Variants in ZZEF1 observed in about 807,000 individuals in gnomAD.
The protein encoded by ZZEF1 is zinc finger ZZ-type and EF-hand domain containing 1, also known as zinc finger ZZ-type and EF-hand domain-containing protein 1.
In ZZEF1, 157 loss-of-function variants were observed where a neutral mutation model predicts 342.8. The observed-to-expected ratio is 0.46, with a 90% CI of 0.40 to 0.52. ZZEF1 has a LOEUF of 0.52. Among genes scored for constraint, ZZEF1 ranks in the 20% least tolerant of loss-of-function variants. The pLI, the probability that ZZEF1 is intolerant of heterozygous loss-of-function variation, is 0.00. For synonymous variants in ZZEF1, 1,505 were observed against 1,429.1 expected, an observed-to-expected ratio of 1.05 and a Z score of -1.20; for missense variants, 3,480 against 3,725.6, an observed-to-expected ratio of 0.93 and a Z score of 1.72.
intron 21 of ZZEF1, 114 bp downstream of exon 21, chr17:4,076,523 C>G (rs986951202): frequency 1.9e-5 from 26 of 1,345,826 alleles, no homozygotes; most frequent in Non-Finnish European, 2.4e-5. Context: ...ATCAAGGGAG[C>G]CTTCTAGAGG....
chr17:4,030,368 A>T (rs2056515109), intron 42 of ZZEF1, among the ~76,000 whole-genome samples: 1 of 152,254 alleles, frequency 6.6e-6, no homozygotes, highest in Non-Finnish European at 1.5e-5. Context: ...TGCACTCAAT[A>T]TAGAAGTCCC....
At chr17:4,092,084 A>AAT (rs1555604387) in intron 11 of ZZEF1, among the ~76,000 whole-genome samples, 1 of 47,018 alleles carries the variant, frequency 2.1e-5, no homozygotes, top group Admixed American at 3.5e-4. Context: ...CTCAAAAAAA[A>AAT]AAAAAATAAT....
intron 1 of ZZEF1, among the ~76,000 whole-genome samples, chr17:4,141,376 C>A (rs2058844232): frequency 6.6e-6 from 1 of 152,174 alleles, no homozygotes. Flanking sequence ...CTGCAAGTAC[C>A]CGCTGGTTTA....
At position 4,007,990 on chromosome 17, in the gene ZZEF1, A is replaced by G. The variant is rs189715412; in HGVS notation, c.8805+893T>C. Among the ~76,000 whole-genome samples the G allele has an allele frequency of 3.6e-4, 54 of 151,948 alleles. 2 individuals are homozygous for G. The highest frequency in any genetic ancestry group is 3.1e-3 in the Admixed American group (47 of 15,266). On this transcript the variant is annotated intron_variant, in intron 54 of 54. Transcript: ENST00000381638. ...GGGGTGTTGGGCCACACACGCGATG[A>G]TATTCAAGGAGTCCAAGGTTCTCAA...
intron 9 of ZZEF1, among the ~76,000 whole-genome samples, chr17:4,097,435 A>G (rs1045184967): frequency 7.0e-6 from 1 of 143,414 alleles, no homozygotes; most frequent in African/African-American, 2.6e-5. Context: ...GTTAGCTTCT[A>G]CAACACTTTG....
At position 4,086,624 on chromosome 17, in the gene ZZEF1, G is replaced by A. The variant is rs140106831; in HGVS notation, c.2374C>T (p.Leu792=). The A allele has an allele frequency of 1.3e-5, 21 of 1,613,980 alleles. No homozygotes were observed. Among genetic ancestry groups the A allele is most frequent in the Non-Finnish European group, 1.7e-6 (2 of 1,180,048 alleles). ...PREECVSAQT[L]LLQLLQSCFS... ...CAGCTCTGGAGTAGCTGCAGAAGCA[G>A]GGTTTGGGCAGAGACGCATTCTTCC... Residue 792 remains leucine, a synonymous_variant, in exon 15 of 55, where the codon CTG becomes TTG. Coordinates refer to ENST00000381638, the MANE Select transcript of ZZEF1 (RefSeq NM_015113.4).
rs140868002 is a variant in ZZEF1, at chr17:4,058,087, G to C, written c.5072C>G (p.Pro1691Arg). Reference sequence around the variant, plus strand: ...ATCAACAAAGAAGGCGAGATCATTGGGTTCCCAGCCCATATCCAAAAGATG... The same window carrying C: ...ATCAACAAAGAAGGCGAGATCATTGCGTTCCCAGCCCATATCCAAAAGATG... ...LLHLLDMGWEPNDLAFFVDIQ... is the reference protein window; with the variant it reads ...LLHLLDMGWERNDLAFFVDIQ... Residue 1691 changes from proline to arginine, a missense_variant, in exon 32 of 55, where the codon CCC becomes CGC. This residue lies in a region of ZZEF1 where 1,528 missense variants were observed against 1,624.1 expected (regional missense o/e 0.94). Transcript: ENST00000381638. 232 of 1,614,066 alleles carry C rather than the reference G, an allele frequency of 1.4e-4. No homozygotes were observed. In the African/African-American group the frequency reaches 2.8e-3, roughly 19 times the overall value.
chr17:4,019,004 C>A (rs1320960077), intron 46 of ZZEF1, among the ~76,000 whole-genome samples: 3 of 135,810 alleles, frequency 2.2e-5, no homozygotes, highest in African/African-American at 1.2e-4. Flanking sequence ...GAGAGAAAAA[C>A]AAATTCTATC....
rs112497098 is a variant in ZZEF1 at position 4,013,507 on chromosome 17, G to A, written c.8521C>T (p.His2841Tyr). The A allele has an allele frequency of 3.1e-6, 5 of 1,613,766 alleles. No individual in the cohort carries two copies. The highest frequency in any genetic ancestry group is 4.2e-6 in the Non-Finnish European group (5 of 1,179,902). The change falls in exon 52 of 55, where the codon CAT becomes TAT. Residue 2841 changes from histidine to tyrosine, a missense_variant. His to Tyr is a moderately conservative substitution (Grantham distance 83, BLOSUM62 2). Transcript: ENST00000381638. ...LVGVACRQTG[H>Y]QRLKAIHLLL... ...AAGTGGATGGCTTTTAATCGTTGATGGCCAGTCTGGCGACAGGCCACGCCC... is the reference window on the plus strand; with the variant it reads ...AAGTGGATGGCTTTTAATCGTTGATAGCCAGTCTGGCGACAGGCCACGCCC...
intron 5 of ZZEF1, among the ~76,000 whole-genome samples, chr17:4,111,470 CA>C (rs1173019332): frequency 6.6e-6 from 1 of 151,838 alleles, no homozygotes; most frequent in Non-Finnish European, 1.5e-5. Context: ...CCAGTCTGTC[CA>C]ACATAGTGAA....
intron 13 of ZZEF1, among the ~76,000 whole-genome samples, chr17:4,087,736 GTGTTA>G (rs1405418352): frequency 1.3e-5 from 2 of 151,612 alleles, no homozygotes; most frequent in African/African-American, 4.9e-5. Context: ...ATATATGTGT[GTGTTA>G]TATGTATGTA....
chr17:4,130,937 C>G (rs1472488763), intron 1 of ZZEF1, among the ~76,000 whole-genome samples: 1 of 152,098 alleles, frequency 6.6e-6, no homozygotes, highest in Non-Finnish European at 1.5e-5. Context: ...GAATGGGACT[C>G]GATCAGCAGT....
chr17:4,056,393 A>G, intron 32 of ZZEF1, 48 bp from the exon 33 acceptor site: 1 of 1,527,492 alleles, frequency 6.5e-7, no homozygotes, highest in Non-Finnish European at 8.8e-7. Context: ...CCCAATCACC[A>G]AGGAAAGTAC....
At chr17:4,024,856 A>T (rs1294850855) in intron 43 of ZZEF1, 63 bp downstream of exon 43, 6 of 1,483,338 alleles carry the variant, frequency 4.0e-6, no homozygotes, top group Non-Finnish European at 5.7e-6. Context: ...CCTCCTAGTT[A>T]ATCCCCATGC....
intron 19 of ZZEF1, 70 bp from the exon 20 acceptor site, chr17:4,077,059 A>G (rs1597856961): frequency 2.1e-6 from 3 of 1,431,368 alleles, no homozygotes; most frequent in Non-Finnish European, 2.8e-6. Context: ...ATCACCACAG[A>G]CAAGAATAAA....
Position 4,014,295 on chromosome 17 carries a change from G to A in ZZEF1, c.8314+52C>T, listed in dbSNP as rs1567760253. On this transcript the variant is annotated intron_variant, in intron 50 of 54. Transcript: ENST00000381638. This position sits in a 1 kb window ranked among gnomAD's most constrained non-coding sequence, Gnocchi z 4.4. The stretch of plus-strand genomic sequence containing the variant: ...CAGTAAGTTCCCTTCTCAATATTAA[G>A]TTTAAACACTGCCTGTGAAGAACCT... 5.0e-6 allele frequency: 8 copies of A among 1,612,532 alleles called. No individual in the cohort carries two copies. Among genetic ancestry groups the A allele is most frequent in the Admixed American group, 1.7e-5 (1 of 59,970 alleles).
In ZZEF1 at chr17:4,117,241, T is replaced by A. The variant is rs186435675; in HGVS notation, c.500-75A>T. On this transcript the variant is annotated intron_variant, in intron 2 of 54. Transcript: ENST00000381638. ...TCCACATCCCCTGCCTGGTGGCCTA[T>A]CTGAATTGGCTAAATTAAAAGCAGT... 1.8e-5 allele frequency: 22 copies of A among 1,202,256 alleles called. No individual in the cohort carries two copies. In the East Asian group the frequency reaches 5.4e-4, roughly 30 times the overall value. 74.5% of individuals were successfully genotyped at this position (1,202,256 alleles called of 1,614,324 possible). A position where few individuals can be genotyped will look rare whatever the true frequency, so the allele number is the denominator to read the frequency against.
chr17:4,036,817 A>ACACACACACACACT (rs754105162), intron 39 of ZZEF1, among the ~76,000 whole-genome samples: 2 of 72,618 alleles, frequency 2.8e-5, no homozygotes, highest in Non-Finnish European at 5.0e-5. Flanking sequence ...ACACACACAC[A>ACACACACACACACT]CTCTCTCTCT....
chr17:4,033,065 C>A, intron 40 of ZZEF1, 63 bp from the exon 41 acceptor site: 2 of 1,489,866 alleles, frequency 1.3e-6, no homozygotes, highest in South Asian at 1.2e-5. Context: ...CGTTAGAGCT[C>A]ACTACACTCC....
Sources: allele counts gnomAD v4.1 joint callset (sites outside exome capture counted in the v4.1 genomes callset), GRCh38; gene constraint gnomAD v4.1.1; regional missense constraint gnomAD v4.1.1; non-coding constraint Gnocchi (gnomAD v3.1); transcripts MANE v1.5; gene names NCBI Gene and HGNC (gene_info 2026-07-23, HGNC 2026-07-21).